The following DCC variants were observed in gnomAD, a reference collection of about 807,000 sequenced individuals.
The protein encoded by DCC is netrin receptor DCC.
DCC carries 58 observed loss-of-function variants against 172.5 expected under a neutral mutation model. That is an observed-to-expected ratio of 0.34 (90% CI 0.27 to 0.42). DCC has a LOEUF of 0.42. Among genes scored for constraint, DCC ranks in the 10% least tolerant of loss-of-function variants. The pLI is 1.00. For synonymous variants in DCC, 709 were observed against 644.5 expected, an observed-to-expected ratio of 1.10 and a Z score of -1.52; for missense variants, 1,740 against 1,791.0, an observed-to-expected ratio of 0.97 and a Z score of 0.51.
chr18:52,768,076 T>C (rs1599090011), intron 2 of DCC, among the ~76,000 whole-genome samples: 1 of 152,230 alleles, frequency 6.6e-6, no homozygotes, highest in Non-Finnish European at 1.5e-5. Flanking sequence ...AATTTTCTTC[T>C]ATGCCAGTAA....
intron 7 of DCC, among the ~76,000 whole-genome samples, chr18:53,104,888 A>G (rs544331211): frequency 6.6e-6 from 1 of 152,030 alleles, no homozygotes; most frequent in Admixed American, 6.6e-5. Flanking sequence ...AGTCTCCTAG[A>G]GAGGTTCTAT....
chr18:52,685,569 A>T (rs1270397096), intron 1 of DCC, among the ~76,000 whole-genome samples: 2 of 152,066 alleles, frequency 1.3e-5, no homozygotes, highest in African/African-American at 2.4e-5. Flanking sequence ...TCGTTGTGGC[A>T]GGAATGGATG....
In DCC at chr18:53,339,763, A is replaced by G. The variant is rs2057634427; in HGVS notation, c.2215A>G (p.Asn739Asp). ...PSSLHVRPQT[N>D]CIIMSWTPPL... is the part of the protein sequence containing the mutation. ...CTCTCTTCATGTGAGGCCCCAGACT[A>G]ACTGCATCATCATGAGTTGGACTCC... The change falls in exon 15 of 29, where the codon AAC (asparagine) becomes GAC (aspartate). Residue 739 changes from asparagine to aspartate, a missense_variant. Asn to Asp is a conservative substitution (Grantham distance 23). Transcript: ENST00000442544. 1 of 1,613,880 alleles carries G rather than the reference A, an allele frequency of 6.2e-7. No homozygotes were observed. The highest frequency in any genetic ancestry group is 1.3e-5 in the African/African-American group (1 of 74,896).
intron 12 of DCC, among the ~76,000 whole-genome samples, chr18:53,241,953 C>T (rs895157118): frequency 3.3e-5 from 5 of 152,166 alleles, no homozygotes; most frequent in Non-Finnish European, 7.3e-5. Context: ...GTCAAATTGT[C>T]CCTGTTTGCA....
intron 5 of DCC, among the ~76,000 whole-genome samples, chr18:52,944,331 T>C (rs535213160): frequency 9.9e-5 from 15 of 152,254 alleles, no homozygotes; most frequent in African/African-American, 3.4e-4. Context: ...ATACTTCGAA[T>C]TCCAGAGTTC....
chr18:52,427,248 C>T (rs1484393293), intron 1 of DCC, among the ~76,000 whole-genome samples: 1 of 152,054 alleles, frequency 6.6e-6, no homozygotes, highest in Non-Finnish European at 1.5e-5. Context: ...CTACCTAGTG[C>T]CAAATCCAGA....
intron 1 of DCC, among the ~76,000 whole-genome samples, chr18:52,685,602 TAA>T (rs1286305880): frequency 6.6e-6 from 1 of 152,082 alleles, no homozygotes; most frequent in Admixed American, 6.6e-5. Context: ...AGCAGGTTGT[TAA>T]AAAGAGTCTG....
At chr18:52,686,684 C>T (rs1321276941) in intron 1 of DCC, among the ~76,000 whole-genome samples, 1 of 152,090 alleles carries the variant, frequency 6.6e-6, no homozygotes, top group Non-Finnish European at 1.5e-5. Context: ...GAGCACAAAT[C>T]AATTGAGCAT....
At chr18:52,968,675 A>G (rs1598981969) in intron 5 of DCC, among the ~76,000 whole-genome samples, 3 of 152,198 alleles carry the variant, frequency 2.0e-5, no homozygotes, top group African/African-American at 4.8e-5. Context: ...ATAATGGCCA[A>G]TAAAGGTTGT....
chr18:53,122,001 ATTCTC>A (rs2043490270), intron 7 of DCC, among the ~76,000 whole-genome samples: 1 of 151,988 alleles, frequency 6.6e-6, no homozygotes, highest in African/African-American at 2.4e-5. Context: ...CAATTTAAAG[ATTCTC>A]TTCTAAGTGC....
chr18:53,263,874 A>G lies in DCC; in HGVS notation c.1912-41704A>G, dbSNP rs143311762. 8.4e-4 allele frequency among the ~76,000 whole-genome samples: 127 copies of G among 152,090 alleles called. 1 individual carries two copies. Among genetic ancestry groups the G allele is most frequent in the African/African-American group, 2.9e-3 (121 of 41,526 alleles). ...CCCTACTGATATTATATCCTTCTCA[A>G]TTTGCAGTTGTTTCATCTTGGAACC... is the stretch of plus-strand genomic sequence containing the variant. On this transcript the variant is annotated intron_variant, in intron 12 of 28. Transcript: ENST00000442544.
At chr18:53,089,405 TA>T in intron 7 of DCC, among the ~76,000 whole-genome samples, 2 of 152,064 alleles carry the variant, frequency 1.3e-5, no homozygotes, top group East Asian at 3.9e-4. Flanking sequence ...TATTTTTAAG[TA>T]ATTTTTTCCT....
intron 7 of DCC, among the ~76,000 whole-genome samples, chr18:53,094,037 G>A (rs1173513409): frequency 6.6e-6 from 1 of 152,150 alleles, no homozygotes; most frequent in Non-Finnish European, 1.5e-5. Flanking sequence ...AATTATAAAT[G>A]AGAAATGTTT....
At chr18:52,980,971 C>A (rs1598995138) in intron 5 of DCC, among the ~76,000 whole-genome samples, 3 of 144,272 alleles carry the variant, frequency 2.1e-5, no homozygotes, top group African/African-American at 5.2e-5. Flanking sequence ...CTAAATACAA[C>A]AATAATGCCA....
intron 12 of DCC, among the ~76,000 whole-genome samples, chr18:53,300,126 C>T (rs2057115188): frequency 1.3e-5 from 2 of 152,148 alleles, no homozygotes; most frequent in African/African-American, 4.8e-5. Context: ...TAACTAGATT[C>T]CTCTGAAATT....
intron 26 of DCC, among the ~76,000 whole-genome samples, chr18:53,490,248 G>T (rs553904912): frequency 6.6e-6 from 1 of 152,224 alleles, no homozygotes; most frequent in Admixed American, 6.5e-5. Flanking sequence ...GTAAGAAACT[G>T]GGGTTATGTA....
intron 2 of DCC, among the ~76,000 whole-genome samples, chr18:52,851,829 A>C (rs1407186696): frequency 8.5e-5 from 13 of 152,128 alleles, no homozygotes; most frequent in Non-Finnish European, 1.2e-4. Flanking sequence ...ATGGACAAGG[A>C]TATGGGAATT....
intron 5 of DCC, among the ~76,000 whole-genome samples, chr18:53,034,266 T>C (rs1178802537): frequency 6.6e-6 from 1 of 152,096 alleles, no homozygotes; most frequent in African/African-American, 2.4e-5. Flanking sequence ...CATACATTCA[T>C]GTATGTTCCA....
At chr18:53,063,282 CTT>C in intron 5 of DCC, 21 bp from the exon 6 acceptor site, 1 of 1,463,214 alleles carries the variant, frequency 6.8e-7, no homozygotes, top group Non-Finnish European at 9.4e-7. Flanking sequence ...CACTCACTCA[CTT>C]TTTTTTTTCT....
Sources: allele counts gnomAD v4.1 joint callset (sites outside exome capture counted in the v4.1 genomes callset), GRCh38; gene constraint gnomAD v4.1.1; transcripts MANE v1.5; gene names NCBI Gene and HGNC (gene_info 2026-07-23, HGNC 2026-07-21).